Variants in NDUFA10 observed in about 807,000 individuals in gnomAD.
NDUFA10 encodes NADH:ubiquinone oxidoreductase subunit A10, also known as NADH dehydrogenase [ubiquinone] 1 alpha subcomplex subunit 10, mitochondrial.
A neutral mutation model predicts 47.8 loss-of-function variants in NDUFA10; 40 were observed. That is an observed-to-expected ratio of 0.84 (90% CI 0.65 to 1.09). NDUFA10 has a LOEUF of 1.09. Ranked by LOEUF, NDUFA10 falls within the 50% of genes least tolerant of loss-of-function variation. NDUFA10 has a pLI of 0.00. For synonymous variants in NDUFA10, 183 were observed against 172.2 expected (o/e 1.06, Z -0.49); for missense variants, 413 against 451.1 (o/e 0.92, Z 0.76).
intron 4 of NDUFA10, among the ~76,000 whole-genome samples, chr2:239,904,688 G>A (rs1476716080): frequency 5.3e-5 from 8 of 152,220 alleles, no homozygotes; most frequent in Non-Finnish European, 2.9e-5. Context: ...CCCCACCCCA[G>A]CCTGGTGCAT....
intron 4 of NDUFA10, among the ~76,000 whole-genome samples, chr2:239,915,196 TAC>T (rs1404106749): frequency 2.8e-5 from 3 of 105,822 alleles, no homozygotes; most frequent in Non-Finnish European, 5.7e-5. Context: ...CACACACGTA[TAC>T]AGACACACAA....
chr2:240,021,875 A>G (rs1697636371), intron 2 of NDUFA10, among the ~76,000 whole-genome samples: 2 of 152,202 alleles, frequency 1.3e-5, no homozygotes, highest in South Asian at 4.1e-4. Context: ...CACAAAGTTC[A>G]AACACGACAG....
At position 239,959,611 on chromosome 2, in the gene NDUFA10, C is replaced by A. The variant is rs975081466; in HGVS notation, c.*1507G>T. The A allele has an allele frequency of 1.0e-6, 1 of 985,472 alleles. No homozygotes were observed. Among genetic ancestry groups the A allele is most frequent in the African/African-American group, 1.8e-5 (1 of 56,962 alleles). The allele number at this position is 985,472 out of a possible 1,614,324, so 61.0% of individuals were successfully genotyped here. A position where few individuals can be genotyped will look rare whatever the true frequency, so the allele number is the denominator to read the frequency against. ...TCCTGGGAAACTTTATTTTCAAATT[C>A]TTAAAACAAGGAAGGAGGCAGGGAG... is the stretch of plus-strand genomic sequence containing the variant. On this transcript the variant is annotated 3_prime_UTR_variant, in exon 10 of 10. Transcript: ENST00000252711.
chr2:240,011,489 T>A, intron 6 of NDUFA10, 128 bp downstream of exon 6: 2 of 737,226 alleles, frequency 2.7e-6, no homozygotes, highest in East Asian at 5.3e-5. Context: ...TTTATAAACA[T>A]CAGATTAAAC....
Position 240,016,913 on chromosome 2 carries a change from CCT to C in NDUFA10, c.547+1638_547+1639del, listed in dbSNP as rs984212639. Reference sequence around the variant, plus strand: ...CATGAAGCCACATCGGTCCACTGCCCCTGTGCATCCTTCCCCCTTAGCGGCCC... The same window carrying C: ...CATGAAGCCACATCGGTCCACTGCCCGTGCATCCTTCCCCCTTAGCGGCCC... On this transcript the variant is annotated intron_variant, in intron 4 of 9. Transcript: ENST00000252711. This position sits in a 1 kb window ranked among gnomAD's most constrained non-coding sequence, Gnocchi z 4.4. 1.5e-4 allele frequency among the ~76,000 whole-genome samples: 23 copies of C among 152,168 alleles called. No homozygotes were observed. Among genetic ancestry groups the C allele is most frequent in the African/African-American group, 4.8e-4 (20 of 41,434 alleles).
chr2:239,952,031 AAGGCTGCTGCC>A (rs1694563332), intron 4 of NDUFA10, among the ~76,000 whole-genome samples: 2 of 152,206 alleles, frequency 1.3e-5, no homozygotes, highest in Non-Finnish European at 2.9e-5. Flanking sequence ...GCAGGGGCCA[AAGGCTGCTGCC>A]TGAAGTCCCA....
At chr2:239,914,486 C>G (rs1374871321) in intron 4 of NDUFA10, among the ~76,000 whole-genome samples, 21 of 139,908 alleles carry the variant, frequency 1.5e-4, no homozygotes, top group Admixed American at 2.9e-4. Context: ...CAAATATAGA[C>G]ACACACAGAG....
chr2:239,971,704 A>T (rs1695312030), intron 9 of NDUFA10, among the ~76,000 whole-genome samples: 1 of 152,188 alleles, frequency 6.6e-6, no homozygotes, highest in Non-Finnish European at 1.5e-5. Flanking sequence ...CTGAAAGTGG[A>T]GCCCCGATCT....
intron 4 of NDUFA10, among the ~76,000 whole-genome samples, chr2:239,909,136 C>T (rs1388185276): frequency 6.6e-6 from 1 of 152,176 alleles, no homozygotes; most frequent in Non-Finnish European, 1.5e-5. Flanking sequence ...TTACAGGCTG[C>T]TTCTGAGAAA....
intron 9 of NDUFA10, among the ~76,000 whole-genome samples, chr2:239,962,226 CA>C (rs1694882952): frequency 6.6e-6 from 1 of 152,122 alleles, no homozygotes; most frequent in Admixed American, 6.5e-5. Context: ...CACACACACA[CA>C]CACACACACA....
intron 7 of NDUFA10, 55 bp downstream of exon 7, chr2:240,007,261 C>T (rs1348093078): frequency 1.5e-6 from 2 of 1,320,954 alleles, no homozygotes; most frequent in East Asian, 4.7e-5. Flanking sequence ...TTGCAAGAAC[C>T]TTACACATGA....
rs1694801364 is a variant in NDUFA10, at chr2:239,960,393, T to G, written c.*725A>C. Reference sequence around the variant, plus strand: ...GGGTAATAAAGAGAGTATATTATTTTGCTTTTGCATCTTATGTCATCAACA... The same window carrying G: ...GGGTAATAAAGAGAGTATATTATTTGGCTTTTGCATCTTATGTCATCAACA... On this transcript the variant is annotated 3_prime_UTR_variant, in exon 10 of 10. Transcript: ENST00000252711. 1 of 986,032 alleles carries G rather than the reference T, an allele frequency of 1.0e-6. No homozygotes were observed. The highest frequency in any genetic ancestry group is 1.7e-5 in the African/African-American group (1 of 57,270). 61.1% of individuals were successfully genotyped at this position (986,032 alleles called of 1,614,324 possible).
At chr2:239,926,787 C>T (rs557955545) in intron 4 of NDUFA10, among the ~76,000 whole-genome samples, 5 of 152,172 alleles carry the variant, frequency 3.3e-5, no homozygotes, top group African/African-American at 1.2e-4. Flanking sequence ...TTAGTCTGTC[C>T]TCATGCTGCT....
chr2:239,960,933 C>G lies in NDUFA10; in HGVS notation c.*185G>C. On this transcript the variant is annotated 3_prime_UTR_variant, in exon 10 of 10. Transcript: ENST00000252711. ...GGGTTCCAAACATCCAGAATGGAAG[C>G]TGCTTCCCCCAACTCCATTACCTAT... 1.3e-6 allele frequency: 2 copies of G among 1,493,528 alleles called. No homozygotes were observed. Among genetic ancestry groups the G allele is most frequent in the Non-Finnish European group, 1.8e-6 (2 of 1,118,344 alleles). The allele number at this position is 1,493,528 out of a possible 1,614,324, so 92.5% of individuals were successfully genotyped here. A position where few individuals can be genotyped will look rare whatever the true frequency, so the allele number is the denominator to read the frequency against.
rs1157355340 is a variant in NDUFA10 at position 239,960,837 on chromosome 2, G to A, written c.*281C>T. The A allele has an allele frequency of 5.2e-6, 7 of 1,344,642 alleles. No individual in the cohort carries two copies. The highest frequency in any genetic ancestry group is 2.9e-4 in the Middle Eastern group (1 of 3,452). The allele number at this position is 1,344,642 out of a possible 1,614,324, so 83.3% of individuals were successfully genotyped here. ...CAGCGCTGAAACCACAGGGGCTGCC[G>A]AGAGCTGGCCTTTCACAGCAGACCA... On this transcript the variant is annotated 3_prime_UTR_variant, in exon 10 of 10. Coordinates refer to ENST00000252711, the MANE Select transcript of NDUFA10 (RefSeq NM_004544.4).
chr2:239,952,935 T>A (rs1694580851), downstream of NDUFA10, among the ~76,000 whole-genome samples: 2 of 152,146 alleles, frequency 1.3e-5, no homozygotes, highest in South Asian at 4.1e-4. Context: ...GAGACCCTCC[T>A]CTCCAGCCAC....
chr2:240,011,652 C>CTTGGA lies in NDUFA10; in HGVS notation c.713_714insTCCAA (p.Glu238AspfsTer14), dbSNP rs1355179528. 6.2e-7 allele frequency: 1 copy of CTTGGA among 1,613,596 alleles called. No individual in the cohort carries two copies. Among genetic ancestry groups the CTTGGA allele is most frequent in the East Asian group, 2.2e-5 (1 of 44,890 alleles). On this transcript the variant is annotated frameshift_variant, in exon 6 of 10. Coordinates refer to ENST00000252711, the MANE Select transcript of NDUFA10 (RefSeq NM_004544.4). LOFTEE classifies it high-confidence loss of function. Reference sequence around the variant, plus strand: ...GGAGAAAGGTTTTCTTATAGGCATTCTCAATGTCCTGTAGATAGGCAGAGG... The same window carrying CTTGGA: ...GGAGAAAGGTTTTCTTATAGGCATTCTTGGATCAATGTCCTGTAGATAGGCAGAGG...
intron 4 of NDUFA10, among the ~76,000 whole-genome samples, chr2:239,936,522 G>A (rs777870815): frequency 2.6e-5 from 4 of 152,200 alleles, no homozygotes; most frequent in Non-Finnish European, 5.9e-5. Context: ...GGGGGATGAC[G>A]ACGGGTCAGT....
intron 4 of NDUFA10, among the ~76,000 whole-genome samples, chr2:239,936,879 G>C (rs572307017): frequency 6.9e-4 from 105 of 152,368 alleles, no homozygotes; most frequent in Non-Finnish European, 1.2e-3. Context: ...AGAATTGCTT[G>C]AATCTGAGAG....
Sources: gnomAD v4.1 joint callset for allele counts (sites outside exome capture counted in the v4.1 genomes callset) on GRCh38, gnomAD v4.1.1 for gene constraint, Gnocchi (gnomAD v3.1) non-coding constraint, MANE v1.5 for transcripts, NCBI Gene and HGNC (gene_info 2026-07-23, HGNC 2026-07-21) for gene names.